MYO1D: variants seen among roughly 807,000 people sequenced by gnomAD.
The protein encoded by MYO1D is myosin ID, also known as unconventional myosin-Id.
Under a neutral mutation model 122.0 loss-of-function variants are expected in MYO1D, and 83 were observed. The observed-to-expected ratio is 0.68, with a 90% CI of 0.57 to 0.82. The LOEUF (loss-of-function observed/expected upper bound fraction) is 0.82, where lower values mean the gene tolerates loss of function less well. Among genes scored for constraint, MYO1D ranks in the 40% least tolerant of loss-of-function variants. The pLI is 0.00. For missense variants in MYO1D, 1,157 were observed against 1,269.5 expected, an observed-to-expected ratio of 0.91 and a Z score of 1.35; for synonymous variants, 464 against 446.9, an observed-to-expected ratio of 1.04 and a Z score of -0.48.
intron 21 of MYO1D, chr17:32,505,501 C>T (rs994598566): frequency 6.6e-6 from 1 of 152,186 alleles, no homozygotes; most frequent in African/African-American, 2.4e-5. Context: ...CCAGCCTGAA[C>T]AGGAGTCACG....
intron 21 of MYO1D, among the ~76,000 whole-genome samples, chr17:32,527,697 C>G (rs1256194897): frequency 6.6e-6 from 1 of 152,066 alleles, no homozygotes; most frequent in African/African-American, 2.4e-5. Context: ...ACTCAGGAGG[C>G]TGAGGTGGGA....
intron 11 of MYO1D, among the ~76,000 whole-genome samples, chr17:32,753,151 T>C (rs896591808): frequency 1.2e-4 from 18 of 152,194 alleles, no homozygotes; most frequent in African/African-American, 4.3e-4. Flanking sequence ...GAGGCCATTA[T>C]ACTAGGTGAA....
intron 8 of MYO1D, among the ~76,000 whole-genome samples, chr17:32,762,044 G>C (rs2090006914): frequency 6.6e-6 from 1 of 152,026 alleles, no homozygotes; most frequent in Non-Finnish European, 1.5e-5. Context: ...CTAAAGGAGA[G>C]GTACATGGGG....
intron 1 of MYO1D, chr17:32,794,173 G>A (rs2090389299): frequency 6.6e-6 from 1 of 152,192 alleles, no homozygotes; most frequent in Non-Finnish European, 1.5e-5. Context: ...AATGCCTTCA[G>A]TAAAATTGCT....
chr17:32,683,224 C>T (rs1168032445), intron 16 of MYO1D, among the ~76,000 whole-genome samples: 4 of 151,544 alleles, frequency 2.6e-5, no homozygotes, highest in South Asian at 2.1e-4. Flanking sequence ...GTAATTTGAT[C>T]GTCTGAAGCC....
In MYO1D at chr17:32,619,219, C is replaced by T. The variant is rs115702136; in HGVS notation, c.2710-13978G>A. On this transcript the variant is annotated intron_variant, in intron 20 of 21. Transcript: ENST00000318217. ...AAATCTCTGAGTCTTCCTATACTTT[C>T]AGTTTTCATATATTGCAGTCATCAA... Among the ~76,000 whole-genome samples the T allele has an allele frequency of 8.8e-3, 1,335 of 152,270 alleles. 15 individuals carry two copies. The highest frequency in any genetic ancestry group is 0.026 in the African/African-American group (1,089 of 41,558).
chr17:32,526,289 C>T (rs967238878), intron 21 of MYO1D, among the ~76,000 whole-genome samples: 8 of 152,172 alleles, frequency 5.3e-5, no homozygotes, highest in Non-Finnish European at 1.2e-4. Flanking sequence ...TTGTTTCGAA[C>T]TCAACAAGAA....
intron 1 of MYO1D, among the ~76,000 whole-genome samples, chr17:32,832,520 G>A (rs1337270805): frequency 2.0e-5 from 3 of 151,942 alleles, no homozygotes; most frequent in Admixed American, 6.6e-5. Context: ...GGATGGTCTC[G>A]ATCTCCTGAC....
intron 13 of MYO1D, among the ~76,000 whole-genome samples, chr17:32,742,500 T>C (rs2089783967): frequency 2.0e-5 from 3 of 152,200 alleles, no homozygotes; most frequent in African/African-American, 7.2e-5. Flanking sequence ...TTAACAAACA[T>C]CACCTCGTGC....
intron 8 of MYO1D, among the ~76,000 whole-genome samples, chr17:32,762,787 T>C (rs1412592824): frequency 6.6e-6 from 1 of 151,160 alleles, no homozygotes; most frequent in Non-Finnish European, 1.5e-5. Flanking sequence ...GGCAGGAGAA[T>C]TGCTTGAACC....
At chr17:32,749,191 G>A (rs1023041232) in intron 11 of MYO1D, among the ~76,000 whole-genome samples, 185 bp from the exon 12 acceptor site, 7 of 152,198 alleles carry the variant, frequency 4.6e-5, no homozygotes, top group African/African-American at 1.7e-4. Context: ...CACACAGCTA[G>A]ACTACATTTC....
intron 21 of MYO1D, among the ~76,000 whole-genome samples, chr17:32,572,799 A>C (rs149403778): frequency 6.6e-6 from 1 of 151,966 alleles, no homozygotes; most frequent in Non-Finnish European, 1.5e-5. Flanking sequence ...CTGCTTGGTG[A>C]CATCTCAGAT....
Position 32,638,788 on chromosome 17 carries a change from G to A in MYO1D, c.2643C>T (p.Asp881=). Residue 881 remains aspartate, a synonymous_variant, in exon 20 of 22, where the codon GAC becomes GAT. Transcript: ENST00000318217. The part of the protein sequence containing the change: ...KVEDRAIFVT[D]RHLYKMDPTK... Reference sequence around the variant, plus strand: ...TGGGATCCATTTTATACAGGTGACGGTCAGTGACAAAAATTGCTCTGTCTT... The same window carrying A: ...TGGGATCCATTTTATACAGGTGACGATCAGTGACAAAAATTGCTCTGTCTT... The A allele has an allele frequency of 1.2e-6, 2 of 1,613,858 alleles. No individual in the cohort carries two copies. The highest frequency in any genetic ancestry group is 1.7e-6 in the Non-Finnish European group (2 of 1,179,862).
chr17:32,864,871 G>T (rs1366446893), intron 1 of MYO1D, among the ~76,000 whole-genome samples: 3 of 152,060 alleles, frequency 2.0e-5, no homozygotes, highest in African/African-American at 7.2e-5. Flanking sequence ...ACTTTGTCTT[G>T]CCCTTAGAAC....
At chr17:32,580,408 A>ATT (rs570107348) in intron 21 of MYO1D, among the ~76,000 whole-genome samples, 1 of 74,816 alleles carries the variant, frequency 1.3e-5, no homozygotes, top group Admixed American at 1.6e-4. Context: ...TATCTGGTGA[A>ATT]TTTTTTTTTT....
chr17:32,641,700 T>C (rs550149004), intron 19 of MYO1D, among the ~76,000 whole-genome samples: 3 of 152,382 alleles, frequency 2.0e-5, no homozygotes, highest in Admixed American at 2.0e-4. Flanking sequence ...ATGAGCATTT[T>C]TTCATGTGTG....
chr17:32,759,890 ATAG>A, intron 10 of MYO1D: 1 of 489,858 alleles, frequency 2.0e-6, no homozygotes, highest in Non-Finnish European at 3.6e-6. Flanking sequence ...AAAATACCAT[ATAG>A]TCTACAAAGT....
At chr17:32,788,014 G>GC (rs1443358438) in intron 1 of MYO1D, among the ~76,000 whole-genome samples, 3 of 152,006 alleles carry the variant, frequency 2.0e-5, no homozygotes, top group African/African-American at 7.3e-5. Flanking sequence ...CATTTAGGTT[G>GC]GTTTCATATT....
intron 1 of MYO1D, among the ~76,000 whole-genome samples, chr17:32,803,196 G>C (rs748359127): frequency 6.2e-4 from 94 of 152,102 alleles, no homozygotes; most frequent in Middle Eastern, 6.8e-3. Flanking sequence ...GCCCAGGCTT[G>C]AGTGCAGTGG....
Sources: allele counts gnomAD v4.1 joint callset (sites outside exome capture counted in the v4.1 genomes callset), GRCh38; gene constraint gnomAD v4.1.1; transcripts MANE v1.5; gene names NCBI Gene and HGNC (gene_info 2026-07-23, HGNC 2026-07-21).